The following RASSF5 variants were observed in gnomAD, a reference collection of about 807,000 sequenced individuals.
RASSF5 encodes Ras association domain family member 5.
A neutral mutation model predicts 40.5 loss-of-function variants in RASSF5; 25 were observed. The ratio of observed to expected loss-of-function variants is 0.62; its 90% CI spans 0.45 to 0.86. The LOEUF is 0.86. Among genes scored for constraint, RASSF5 ranks in the 40% least tolerant of loss-of-function variants. The pLI is 0.00. For missense variants in RASSF5, 521 were observed against 572.8 expected, an observed-to-expected ratio of 0.91 and a Z score of 0.92; for synonymous variants, 246 against 252.4, an observed-to-expected ratio of 0.97 and a Z score of 0.24.
rs576500589 is a variant in RASSF5 at position 206,576,471 on chromosome 1, C to T, written c.580-6798C>T. 7.2e-5 allele frequency among the ~76,000 whole-genome samples: 11 copies of T among 152,312 alleles called. No homozygotes were observed. In the South Asian group the frequency reaches 2.3e-3, roughly 32 times the overall value. On this transcript the variant is annotated intron_variant, in intron 2 of 5. Coordinates refer to ENST00000579436, the MANE Select transcript of RASSF5 (RefSeq NM_182663.4). ...AAGGAAGTGCCCAAGCCTTTGTCTT[C>T]TTGTGAAAAGTGTCCATGAAATGAG...
rs12074681 is a variant in RASSF5, at chr1:206,583,497, C to T, written c.690+118C>T. 3,166 of 731,358 alleles carry T rather than the reference C, an allele frequency of 4.3e-3. 77 individuals carry two copies. The African/African-American group carries it at 0.048, about 11-fold the overall frequency. 45.3% of individuals were successfully genotyped at this position (731,358 alleles called of 1,614,324 possible). A position where few individuals can be genotyped will look rare whatever the true frequency, so the allele number is the denominator to read the frequency against. On this transcript the variant is annotated intron_variant, in intron 3 of 5. Transcript: ENST00000579436. ...CCTGGCAGGTCCCCTCCCTTTCCTC[C>T]GGCCTCCAGAGGCCTCCGGGGTCTG...
At chr1:206,511,977 A>G (rs1005142719) in intron 1 of RASSF5, among the ~76,000 whole-genome samples, 1 of 152,152 alleles carries the variant, frequency 6.6e-6, no homozygotes, top group Non-Finnish European at 1.5e-5. Context: ...CCTCTCAGAA[A>G]TCATCCTGTG....
chr1:206,516,448 C>T (rs1367773256), intron 1 of RASSF5, among the ~76,000 whole-genome samples: 2 of 151,804 alleles, frequency 1.3e-5, no homozygotes, highest in African/African-American at 4.8e-5. Flanking sequence ...GGGATTTCCC[C>T]GCATTACACG....
At position 206,560,850 on chromosome 1, in the gene RASSF5, A is replaced by G. The variant is rs1668118723; in HGVS notation, c.580-22419A>G. On this transcript the variant is annotated intron_variant, in intron 2 of 5. Transcript: ENST00000579436. The surrounding 1 kb of genome is among the most constrained non-coding windows in gnomAD (Gnocchi z 5.1). Reference sequence around the variant, plus strand: ...CCAGAGAATTTTCTTCCTTAGTCCCACAAAAGATAGGGTTTGGTGATTTGT... The same window carrying G: ...CCAGAGAATTTTCTTCCTTAGTCCCGCAAAAGATAGGGTTTGGTGATTTGT... Among the ~76,000 whole-genome samples the G allele has an allele frequency of 6.6e-6, 1 of 152,214 alleles. No homozygotes were observed. Among genetic ancestry groups the G allele is most frequent in the Non-Finnish European group, 1.5e-5 (1 of 68,026 alleles).
At position 206,584,569 on chromosome 1, in the gene RASSF5, C is replaced by A; in HGVS notation, c.873C>A (p.His291Gln). The A allele has an allele frequency of 6.2e-7, 1 of 1,614,214 alleles. No individual in the cohort carries two copies. Among genetic ancestry groups the A allele is most frequent in the Non-Finnish European group, 8.5e-7 (1 of 1,180,030 alleles). ...YLPLDAIKQLHISSTTTVSEV... is the reference protein window; with the variant it reads ...YLPLDAIKQLQISSTTTVSEV... ...CCCTAGATGCCATCAAGCAGCTGCA[C>A]ATCAGCAGCACCACCACCGTCAGTG... The change falls in exon 4 of 6, where the codon CAC becomes CAA. Residue 291 changes from histidine to glutamine, a missense_variant. Around this residue, in one of 2 missense-constraint regions of RASSF5, gnomAD observed 284 missense variants for 360.8 expected, o/e 0.79. Coordinates refer to ENST00000579436, the MANE Select transcript of RASSF5 (RefSeq NM_182663.4). The surrounding 1 kb of genome is among the most constrained non-coding windows in gnomAD (Gnocchi z 4.9).
intron 2 of RASSF5, among the ~76,000 whole-genome samples, chr1:206,562,846 C>T (rs1369003851): frequency 5.9e-5 from 9 of 151,766 alleles, no homozygotes; most frequent in East Asian, 1.9e-4. Context: ...GGTGTGAACC[C>T]GGGAGGCGGA....
chr1:206,509,981 T>C (rs1177328823), intron 1 of RASSF5, among the ~76,000 whole-genome samples: 3 of 152,186 alleles, frequency 2.0e-5, no homozygotes, highest in African/African-American at 7.2e-5. Flanking sequence ...GGTTTAATGC[T>C]AACGATGTCT....
At chr1:206,556,357 C>G (rs1199035577) in intron 2 of RASSF5, among the ~76,000 whole-genome samples, 1 of 152,320 alleles carries the variant, frequency 6.6e-6, no homozygotes, top group African/African-American at 2.4e-5. Flanking sequence ...ATAGAGTGCA[C>G]GTAAATCACT....
At chr1:206,508,690 T>A (rs896318727) in intron 1 of RASSF5, among the ~76,000 whole-genome samples, 1 of 151,968 alleles carries the variant, frequency 6.6e-6, no homozygotes, top group Admixed American at 6.6e-5. Context: ...CCTCAAACCT[T>A]TGGACTCTGC....
At chr1:206,515,984 T>A (rs1303518098) in intron 1 of RASSF5, among the ~76,000 whole-genome samples, 2 of 152,234 alleles carry the variant, frequency 1.3e-5, no homozygotes, top group Non-Finnish European at 2.9e-5. Context: ...GTTGAGCATA[T>A]TGTCCATGAA....
intron 2 of RASSF5, among the ~76,000 whole-genome samples, chr1:206,545,058 G>A (rs1667646207): frequency 6.6e-6 from 1 of 152,062 alleles, no homozygotes; most frequent in Admixed American, 6.6e-5. Context: ...GAGGCCCCGG[G>A]CTCCCTAACA....
In RASSF5 at chr1:206,584,618, A is replaced by G; in HGVS notation, c.922A>G (p.Lys308Glu). 6.2e-7 allele frequency: 1 copy of G among 1,614,188 alleles called. No individual in the cohort carries two copies. The highest frequency in any genetic ancestry group is 2.2e-5 in the East Asian group (1 of 44,886). The change falls in exon 4 of 6, where the codon AAG (lysine) becomes GAG (glutamate). Residue 308 changes from lysine (K) to glutamate (E), a missense_variant. Lys to Glu is a moderately conservative substitution (Grantham distance 56). Coordinates refer to ENST00000579436, the MANE Select transcript of RASSF5 (RefSeq NM_182663.4). This position sits in a 1 kb window ranked among gnomAD's most constrained non-coding sequence, Gnocchi z 4.9. ...TGAGGTCATCCAGGGGCTGCTCAAG[A>G]AGTTCATGGTTGTGGACAATCCCCA... is the stretch of plus-strand genomic sequence containing the variant. ...VSEVIQGLLK[K>E]FMVVDNPQKF... is the part of the protein sequence containing the mutation.
chr1:206,553,440 A>G (rs185188926), intron 2 of RASSF5, among the ~76,000 whole-genome samples: 1,559 of 152,286 alleles, frequency 0.01, 11 homozygotes, highest in Non-Finnish European at 0.017. Context: ...GCTTTGCACT[A>G]ATCTCAGTTA....
At chr1:206,551,487 T>G (rs1553401032) in intron 2 of RASSF5, among the ~76,000 whole-genome samples, 1 of 152,222 alleles carries the variant, frequency 6.6e-6, no homozygotes, top group Non-Finnish European at 1.5e-5. Context: ...CCAGAAGTGC[T>G]GGCCAAAGCT....
At chr1:206,549,962 C>T (rs1167878408) in intron 2 of RASSF5, among the ~76,000 whole-genome samples, 3 of 152,198 alleles carry the variant, frequency 2.0e-5, no homozygotes, top group Non-Finnish European at 2.9e-5. Context: ...CTATAGGGGC[C>T]TTTCTGCAGT....
chr1:206,521,220 G>A (rs1001593494), intron 1 of RASSF5, among the ~76,000 whole-genome samples: 1 of 152,318 alleles, frequency 6.6e-6, no homozygotes, highest in South Asian at 2.1e-4. Context: ...GAAGTCTCTG[G>A]TGGTCCTGGC....
At chr1:206,530,106 C>G (rs1229156159) in intron 1 of RASSF5, among the ~76,000 whole-genome samples, 1 of 151,970 alleles carries the variant, frequency 6.6e-6, no homozygotes, top group Non-Finnish European at 1.5e-5. Context: ...GGCATTTTTC[C>G]ATTAGTAAAG....
intron 2 of RASSF5, among the ~76,000 whole-genome samples, chr1:206,574,833 C>T (rs1668576603): frequency 6.7e-6 from 1 of 150,272 alleles, no homozygotes; most frequent in Non-Finnish European, 1.5e-5. Flanking sequence ...TGGTTGAGAC[C>T]ATCACAAAGG....
chr1:206,584,476 CATCT>C lies in RASSF5; in HGVS notation c.783_786del (p.Ile261MetfsTer7). ...TGCCTGCTGGGATCCGGCCCCAGTC[CATCT>C]ATGATGCCATCAAGGAGGTGAACCT... On this transcript the variant is annotated frameshift_variant, in exon 4 of 6. Coordinates refer to ENST00000579436, the MANE Select transcript of RASSF5 (RefSeq NM_182663.4). LOFTEE classifies it high-confidence loss of function. The surrounding 1 kb of genome is among the most constrained non-coding windows in gnomAD (Gnocchi z 4.9). 6.2e-7 allele frequency: 1 copy of C among 1,614,172 alleles called. No individual in the cohort carries two copies. Among genetic ancestry groups the C allele is most frequent in the Non-Finnish European group, 8.5e-7 (1 of 1,180,026 alleles).
Sources: gnomAD v4.1 joint callset for allele counts (sites outside exome capture counted in the v4.1 genomes callset) on GRCh38, gnomAD v4.1.1 for gene constraint, gnomAD v4.1.1 regional missense constraint, Gnocchi (gnomAD v3.1) non-coding constraint, MANE v1.5 for transcripts, NCBI Gene and HGNC (gene_info 2026-07-23, HGNC 2026-07-21) for gene names.